Variants in NARS2 observed in about 807,000 individuals in gnomAD.
The protein encoded by NARS2 is asparaginyl-tRNA synthetase.
In NARS2, 60 loss-of-function variants were observed where a neutral mutation model predicts 62.9. The observed-to-expected ratio is 0.95, with a 90% CI of 0.77 to 1.18. The LOEUF is 1.18. NARS2 is among the 50% of genes most tolerant of loss of function. NARS2 has a pLI of 0.00. For synonymous variants in NARS2, 196 were observed against 200.0 expected (o/e 0.98, Z 0.17); for missense variants, 619 against 576.4 (o/e 1.07, Z -0.76).
chr11:78,467,478 CA>C (rs1289225667), intron 10 of NARS2, among the ~76,000 whole-genome samples: 1 of 152,014 alleles, frequency 6.6e-6, no homozygotes. Context: ...GTGGAATCTG[CA>C]GTGAGCCATG....
rs1388953074 is a variant in NARS2, at chr11:78,553,323, C to G, written c.594+6216G>C. 2.0e-5 allele frequency among the ~76,000 whole-genome samples: 3 copies of G among 152,002 alleles called. No individual in the cohort carries two copies. In the South Asian group the frequency reaches 6.2e-4, roughly 32 times the overall value. The stretch of plus-strand genomic sequence containing the variant: ...TTCTTTTTTGAGACAAAATCTCGCT[C>G]TGTTACCTAGGCTAGAGTGCAGTGG... On this transcript the variant is annotated intron_variant, in intron 5 of 13. Coordinates refer to ENST00000281038, the MANE Select transcript of NARS2 (RefSeq NM_024678.6).
chr11:78,563,032 C>T (rs115402031), intron 4 of NARS2, among the ~76,000 whole-genome samples: 2,828 of 152,124 alleles, frequency 0.019, 74 homozygotes, highest in African/African-American at 0.055. Context: ...GTTCTTTAAA[C>T]AACTAATCCT....
intron 6 of NARS2, among the ~76,000 whole-genome samples, chr11:78,511,207 A>C (rs1022885467): frequency 2.0e-5 from 3 of 152,170 alleles, no homozygotes; most frequent in Non-Finnish European, 4.4e-5. Context: ...CTTTCTGGGT[A>C]GCTGAAACTA....
chr11:78,480,784 G>T (rs1037864713), intron 7 of NARS2, among the ~76,000 whole-genome samples: 1 of 151,666 alleles, frequency 6.6e-6, no homozygotes, highest in Admixed American at 6.6e-5. Context: ...ACTTTCTAAG[G>T]ATCTTGTATC....
intron 6 of NARS2, among the ~76,000 whole-genome samples, chr11:78,506,895 A>C (rs759632299): frequency 4.6e-5 from 7 of 152,168 alleles, no homozygotes; most frequent in Non-Finnish European, 8.8e-5. Flanking sequence ...TTCCAGAGAA[A>C]GGCTTATACA....
At position 78,474,658 on chromosome 11, in the gene NARS2, T is replaced by A. The variant is rs72933802; in HGVS notation, c.959+3780A>T. On this transcript the variant is annotated intron_variant, in intron 9 of 13. Transcript: ENST00000281038. Reference sequence around the variant, plus strand: ...TTTGTCCACTCAATTACTCAGTATTTACTGAGTTCCTGTTAAAGGCACTGG... The same window carrying A: ...TTTGTCCACTCAATTACTCAGTATTAACTGAGTTCCTGTTAAAGGCACTGG... 9.2e-3 allele frequency among the ~76,000 whole-genome samples: 1,399 copies of A among 152,300 alleles called. 8 individuals carry two copies. Among genetic ancestry groups the A allele is most frequent in the Non-Finnish European group, 0.015 (1,040 of 68,010 alleles).
rs1388461125 is a variant in NARS2 at position 78,574,758 on chromosome 11, C to G, written c.-270G>C. ...AACCACGTGCAGTTGGCAGCTGGGG[C>G]GCCCCACTACCCGCGACAATTGTAA... On this transcript the variant is annotated 5_prime_UTR_variant, in exon 1 of 14. Transcript: ENST00000281038. 6 of 436,988 alleles carry G rather than the reference C, an allele frequency of 1.4e-5. No individual in the cohort carries two copies. The highest frequency in any genetic ancestry group is 8.1e-5 in the African/African-American group (4 of 49,114). 27.1% of individuals were successfully genotyped at this position (436,988 alleles called of 1,614,324 possible).
chr11:78,445,553 C>A (rs552878132), intron 11 of NARS2, among the ~76,000 whole-genome samples: 2 of 152,106 alleles, frequency 1.3e-5, no homozygotes, highest in Non-Finnish European at 2.9e-5. Context: ...ACTTATGAGG[C>A]GGAGGTTGCA....
intron 5 of NARS2, among the ~76,000 whole-genome samples, chr11:78,531,436 G>C (rs1428022602): frequency 6.6e-6 from 1 of 152,108 alleles, no homozygotes; most frequent in Non-Finnish European, 1.5e-5. Flanking sequence ...GGTTACTAGG[G>C]AAAAAAGTTT....
Position 78,478,698 on chromosome 11 carries a change from A to G in NARS2, c.823-15T>C, listed in dbSNP as rs1286988928. On this transcript the variant is annotated splice_polypyrimidine_tract_variant and intron_variant, in intron 7 of 13. Coordinates refer to ENST00000281038, the MANE Select transcript of NARS2 (RefSeq NM_024678.6). ...TCCTCTATAACCTAAGAGAAATGAA[A>G]TAGAATCACCTGACACGTAAGCAAT... 7 of 1,541,714 alleles carry G rather than the reference A, an allele frequency of 4.5e-6. No individual in the cohort carries two copies. Among genetic ancestry groups the G allele is most frequent in the African/African-American group, 1.4e-5 (1 of 72,456 alleles).
chr11:78,522,607 G>GA lies in NARS2; in HGVS notation c.689+6234dup, dbSNP rs1275500922. Among the ~76,000 whole-genome samples the GA allele has an allele frequency of 1.1e-4, 16 of 150,032 alleles. No homozygotes were observed. The East Asian group carries it at 1.2e-3, about 11-fold the overall frequency. ...GCAAGTATTTTATAAAGGTGTTTAG[G>GA]AAAAAAAAAGATGATGTAGAAACAG... On this transcript the variant is annotated intron_variant, in intron 6 of 13. Coordinates refer to ENST00000281038, the MANE Select transcript of NARS2 (RefSeq NM_024678.6).
intron 6 of NARS2, among the ~76,000 whole-genome samples, chr11:78,505,309 CACACACACACACACAT>C (rs1256496272): frequency 1.3e-3 from 168 of 133,796 alleles, no homozygotes; most frequent in African/African-American, 1.9e-3. Flanking sequence ...CACACACACA[CACACACACACACACAT>C]ACGTATGTAT....
At chr11:78,520,910 T>C (rs1425035095) in intron 6 of NARS2, among the ~76,000 whole-genome samples, 5 of 151,650 alleles carry the variant, frequency 3.3e-5, no homozygotes, top group African/African-American at 1.2e-4. Context: ...ACAAAAACAT[T>C]AGCCAGGTGT....
chr11:78,568,386 T>C (rs1590876590), intron 3 of NARS2, among the ~76,000 whole-genome samples: 1 of 152,190 alleles, frequency 6.6e-6, no homozygotes, highest in African/African-American at 2.4e-5. Flanking sequence ...CTGGGCATGC[T>C]TGTAAAAGCA....
At chr11:78,558,980 C>G (rs915599216) in intron 5 of NARS2, among the ~76,000 whole-genome samples, 4 of 152,036 alleles carry the variant, frequency 2.6e-5, no homozygotes, top group Admixed American at 6.5e-5. Context: ...TTCACAGTAA[C>G]TTAAGAAAAG....
intron 4 of NARS2, among the ~76,000 whole-genome samples, chr11:78,564,644 T>C (rs1277274766): frequency 6.6e-6 from 1 of 152,192 alleles, no homozygotes; most frequent in Non-Finnish European, 1.5e-5. Flanking sequence ...TCAGAACTAA[T>C]AATTTATCAG....
chr11:78,461,699 C>A (rs541452939), intron 11 of NARS2, among the ~76,000 whole-genome samples: 1 of 143,672 alleles, frequency 7.0e-6, no homozygotes, highest in East Asian at 2.1e-4. Flanking sequence ...GTAATCCAAA[C>A]ACTTTAGGAG....
intron 11 of NARS2, chr11:78,444,184 C>T (rs1857670562): frequency 6.5e-6 from 1 of 154,454 alleles, no homozygotes; most frequent in Non-Finnish European, 1.4e-5. Flanking sequence ...AAATACTTCA[C>T]ATTATGTTTT....
At chr11:78,484,638 C>A (rs150761400) in intron 7 of NARS2, among the ~76,000 whole-genome samples, 4,611 of 152,220 alleles carry the variant, frequency 0.03, 220 homozygotes, top group African/African-American at 0.1. Flanking sequence ...AAAAAAAGGT[C>A]ATCATCACTG....
Sources: gnomAD v4.1 joint callset for allele counts (sites outside exome capture counted in the v4.1 genomes callset) on GRCh38, gnomAD v4.1.1 for gene constraint, MANE v1.5 for transcripts, NCBI Gene and HGNC (gene_info 2026-07-23, HGNC 2026-07-21) for gene names.